Variants in SNRPA1 observed in about 807,000 individuals in gnomAD.
SNRPA1 encodes the protein U2 small nuclear ribonucleoprotein A'.
SNRPA1 carries 5 observed loss-of-function variants against 32.3 expected under a neutral mutation model. The ratio of observed to expected loss-of-function variants is 0.15; its 90% confidence interval spans 0.08 to 0.33. The LOEUF is 0.33. SNRPA1 is among the 10% of genes least tolerant of loss of function. The pLI is 1.00. For synonymous variants in SNRPA1, 111 were observed against 120.1 expected (o/e 0.92, Z 0.50); for missense variants, 198 against 311.1 (o/e 0.64, Z 2.74).
chr15:101,285,856 C>A (rs2039449729), intron 6 of SNRPA1, 55 bp from the exon 7 acceptor site: 1 of 1,374,532 alleles, frequency 7.3e-7, no homozygotes, highest in African/African-American at 1.4e-5. Context: ...AGTTGCTTCT[C>A]TTTTACTTTC....
At chr15:101,293,908 C>T (rs143916692) in intron 1 of SNRPA1, among the ~76,000 whole-genome samples, 2 of 152,216 alleles carry the variant, frequency 1.3e-5, no homozygotes, top group Non-Finnish European at 2.9e-5. Flanking sequence ...ACTGCACATG[C>T]TCCATAAAGA....
rs1361358510 is a variant in SNRPA1, at chr15:101,286,309, A to G, written c.460-16T>C. The G allele has an allele frequency of 6.2e-7, 1 of 1,611,628 alleles. No homozygotes were observed. Among genetic ancestry groups the G allele is most frequent in the East Asian group, 2.2e-5 (1 of 44,870 alleles). On this transcript the variant is annotated splice_polypyrimidine_tract_variant and intron_variant, in intron 5 of 8. Transcript: ENST00000254193. ...CCTGACGCTCCTACAGCGACACCAC[A>G]CACAGAGTTAATGGAAATAGGAATA...
At chr15:101,284,707 G>A (rs1596469861) in intron 8 of SNRPA1, 1 of 303,264 alleles carries the variant, frequency 3.3e-6, no homozygotes, top group East Asian at 7.4e-5. Context: ...TCTCCATGTT[G>A]GTCAGGCTGG....
chr15:101,285,596 G>A, intron 7 of SNRPA1, 130 bp downstream of exon 7: 3 of 646,924 alleles, frequency 4.6e-6, no homozygotes, highest in South Asian at 1.9e-5. Context: ...TCCTTAAACA[G>A]AAATATTGCT....
rs947423040 is a variant in SNRPA1 at position 101,293,083 on chromosome 15, C to T, written c.172G>A (p.Asp58Asn). The change falls in exon 2 of 9, where the codon GAT becomes AAT. Residue 58 changes from aspartate (D) to asparagine (N), a missense_variant. This residue lies in a region of SNRPA1 where 119 missense variants were observed against 171.6 expected (regional missense o/e 0.69). Transcript: ENST00000254193. ...DFSDNEIRKL[D>N]GFPLLRRLKT... ...AGTCTTCTCAACAAAGGAAAACCAT[C>T]CAGTTTCCTGATCTCATTGTCAGAA... is the stretch of plus-strand genomic sequence containing the variant. 1.9e-6 allele frequency: 3 copies of T among 1,612,452 alleles called. No individual in the cohort carries two copies. The highest frequency in any genetic ancestry group is 1.7e-6 in the Non-Finnish European group (2 of 1,178,896).
intron 5 of SNRPA1, 101 bp downstream of exon 5, chr15:101,286,807 G>A: frequency 1.6e-6 from 1 of 628,840 alleles, no homozygotes; most frequent in South Asian, 2.1e-5. Flanking sequence ...CAAACTAATG[G>A]TAAAATTTAC....
At chr15:101,292,523 G>A (rs1038129152) in intron 2 of SNRPA1, among the ~76,000 whole-genome samples, 5 of 151,656 alleles carry the variant, frequency 3.3e-5, no homozygotes, top group African/African-American at 1.2e-4. Context: ...TTTACACAGA[G>A]CTGATGAAGG....
Position 101,285,776 on chromosome 15 carries a change from T to A in SNRPA1, c.565A>T (p.Thr189Ser), listed in dbSNP as rs531907281. The change falls in exon 7 of 9, where the codon ACT (threonine) becomes TCT (serine). Residue 189 changes from threonine to serine, a missense_variant. Physicochemically the swap from Thr to Ser is moderately conservative, Grantham distance 58. This residue lies in a region of SNRPA1 where 77 missense variants were observed against 120.1 expected (regional missense o/e 0.64). Transcript: ENST00000254193. ...KTFNPGAGLP[T>S]DKKKGGPSPG... is the part of the protein sequence containing the mutation. ...GATGGCCCACCTTTCTTTTTGTCAG[T>A]TGGCAAACCAGCACCTGGATTAAAA... 1 of 1,613,698 alleles carries A rather than the reference T, an allele frequency of 6.2e-7. No individual in the cohort carries two copies. The highest frequency in any genetic ancestry group is 8.5e-7 in the Non-Finnish European group (1 of 1,179,840).
At chr15:101,292,064 T>C in intron 2 of SNRPA1, 24 bp from the exon 3 acceptor site, 1 of 1,534,290 alleles carries the variant, frequency 6.5e-7, no homozygotes, top group Non-Finnish European at 9.0e-7. Context: ...AGAGTCTTAG[T>C]AAAAGTGAAA....
intron 1 of SNRPA1, chr15:101,294,887 G>A (rs892335690): frequency 4.6e-6 from 2 of 431,246 alleles, no homozygotes; most frequent in Admixed American, 4.4e-5. Context: ...CAAGAGGCAC[G>A]GCGCTAACAG....
chr15:101,286,767 G>T, intron 5 of SNRPA1, 141 bp downstream of exon 5: 1 of 585,354 alleles, frequency 1.7e-6, no homozygotes. Flanking sequence ...AAAAAAATGT[G>T]ATGTAACATT....
chr15:101,292,590 T>TAA (rs10581943), intron 2 of SNRPA1, among the ~76,000 whole-genome samples: 2 of 146,358 alleles, frequency 1.4e-5, no homozygotes, highest in Non-Finnish European at 3.0e-5. Context: ...TAGTTGCAGT[T>TAA]AAAAAAAAAA....
chr15:101,287,558 C>T, intron 4 of SNRPA1, 98 bp downstream of exon 4: 1 of 1,024,026 alleles, frequency 9.8e-7, no homozygotes, highest in Non-Finnish European at 1.5e-6. Context: ...TGCATATGTG[C>T]CACATTTTTT....
intron 3 of SNRPA1, chr15:101,288,462 A>G (rs1287236229): frequency 6.6e-6 from 1 of 152,044 alleles, no homozygotes; most frequent in Admixed American, 6.6e-5. Flanking sequence ...ATTAGCCACG[A>G]TGGTCTCGAT....
At chr15:101,293,621 A>G (rs948745225) in intron 1 of SNRPA1, among the ~76,000 whole-genome samples, 3 of 152,214 alleles carry the variant, frequency 2.0e-5, no homozygotes, top group African/African-American at 7.2e-5. Context: ...CCAGATTCTT[A>G]GAACCCATCA....
rs768676947 is a variant in SNRPA1, at chr15:101,285,070, A to G, written c.616-10T>C. On this transcript the variant is annotated splice_polypyrimidine_tract_variant and intron_variant, in intron 7 of 8. Coordinates refer to ENST00000254193, the MANE Select transcript of SNRPA1 (RefSeq NM_003090.4). ...CATTTGCTATGGCATTCTGGAGGAC[A>G]GAGGGCAATGGAGATGGATGATTAA... 3.1e-6 allele frequency: 5 copies of G among 1,602,998 alleles called. No homozygotes were observed. Among genetic ancestry groups the G allele is most frequent in the African/African-American group, 1.3e-5 (1 of 74,846 alleles).
At chr15:101,287,946 T>G (rs2039474097) in intron 3 of SNRPA1, 1 of 441,258 alleles carries the variant, frequency 2.3e-6, no homozygotes, top group Non-Finnish European at 4.2e-6. Flanking sequence ...AGAAATTGCT[T>G]TCCTACAGGA....
intron 3 of SNRPA1, among the ~76,000 whole-genome samples, chr15:101,288,608 C>CA (rs1237332882): frequency 2.0e-5 from 3 of 151,694 alleles, no homozygotes; most frequent in East Asian, 1.9e-4. Flanking sequence ...ATAAGGATAG[C>CA]AAAAAAACAA....
At position 101,284,703 on chromosome 15, in the gene SNRPA1, T is replaced by C. The variant is rs945237832; in HGVS notation, c.709+264A>G. On this transcript the variant is annotated intron_variant, in intron 8 of 8. Coordinates refer to ENST00000254193, the MANE Select transcript of SNRPA1 (RefSeq NM_003090.4). Reference sequence around the variant, plus strand: ...TTTTAGTAGAGATGGGGTTTCTCCATGTTGGTCAGGCTGGTCTCGAACTCC... The same window carrying C: ...TTTTAGTAGAGATGGGGTTTCTCCACGTTGGTCAGGCTGGTCTCGAACTCC... 6 of 289,574 alleles carry C rather than the reference T, an allele frequency of 2.1e-5. No individual in the cohort carries two copies. In the East Asian group the frequency reaches 2.3e-4, roughly 11 times the overall value. The allele number at this position is 289,574 out of a possible 1,614,324, so 17.9% of individuals were successfully genotyped here. A position where few individuals can be genotyped will look rare whatever the true frequency, so the allele number is the denominator to read the frequency against.
Sources: allele counts gnomAD v4.1 joint callset (sites outside exome capture counted in the v4.1 genomes callset), GRCh38; gene constraint gnomAD v4.1.1; regional missense constraint gnomAD v4.1.1; transcripts MANE v1.5; gene names NCBI Gene and HGNC (gene_info 2026-07-23, HGNC 2026-07-21).